The following TRPS1 variants were observed in gnomAD, a reference collection of about 807,000 sequenced individuals.
The protein encoded by TRPS1 is transcriptional repressor GATA binding 1, also known as zinc finger transcription factor Trps1.
TRPS1 carries 6 observed loss-of-function variants against 101.2 expected under a neutral mutation model. The observed-to-expected ratio is 0.06, with a 90% confidence interval of 0.03 to 0.12. The LOEUF (loss-of-function observed/expected upper bound fraction) is 0.12, where lower values mean the gene tolerates loss of function less well. Ranked by LOEUF, TRPS1 falls within the 10% of genes least tolerant of loss-of-function variation. The pLI is 1.00. For missense variants in TRPS1, 1,363 were observed against 1,567.0 expected, an observed-to-expected ratio of 0.87 and a Z score of 2.20; for synonymous variants, 578 against 589.8, an observed-to-expected ratio of 0.98 and a Z score of 0.29.
At chr8:115,436,962 A>C (rs535996657) in intron 5 of TRPS1, among the ~76,000 whole-genome samples, 31 of 152,174 alleles carry the variant, frequency 2.0e-4, no homozygotes, top group Non-Finnish European at 3.8e-4. Context: ...ATAGATACAG[A>C]CGTATACATA....
chr8:115,640,791 G>C (rs2178950), intron 1 of TRPS1, among the ~76,000 whole-genome samples: 76,495 of 152,082 alleles, frequency 0.5, 22,767 homozygotes, highest in African/African-American at 0.83. Flanking sequence ...GAGGTAAACT[G>C]AAGCGCTGAA....
intron 1 of TRPS1, among the ~76,000 whole-genome samples, chr8:115,628,436 T>TACACAC (rs542920476): frequency 4.0e-5 from 6 of 150,368 alleles, no homozygotes; most frequent in Non-Finnish European, 7.4e-5. Flanking sequence ...AAAAACAAAT[T>TACACAC]ACACACACAC....
intron 4 of TRPS1, among the ~76,000 whole-genome samples, chr8:115,600,942 T>C (rs888909971): frequency 5.3e-5 from 8 of 152,100 alleles, no homozygotes; most frequent in African/African-American, 1.9e-4. Flanking sequence ...TATAGGTAAA[T>C]ACTAAACATT....
At chr8:115,434,901 C>T (rs551470939) in intron 5 of TRPS1, among the ~76,000 whole-genome samples, 2 of 152,286 alleles carry the variant, frequency 1.3e-5, no homozygotes, top group South Asian at 2.1e-4. Flanking sequence ...GGATTTACTA[C>T]CTTACTTATA....
intron 5 of TRPS1, among the ~76,000 whole-genome samples, chr8:115,446,185 C>G (rs1305408892): frequency 6.6e-6 from 1 of 151,966 alleles, no homozygotes; most frequent in East Asian, 1.9e-4. Context: ...AAGGATGTTT[C>G]CAGCAGAAAC....
At chr8:115,494,480 T>C (rs982102121) in intron 5 of TRPS1, among the ~76,000 whole-genome samples, 3 of 152,238 alleles carry the variant, frequency 2.0e-5, no homozygotes, top group Non-Finnish European at 4.4e-5. Flanking sequence ...GCAAATTGCT[T>C]ACGCCAAGAG....
chr8:115,575,192 A>G (rs1817289387), intron 5 of TRPS1, among the ~76,000 whole-genome samples: 1 of 152,148 alleles, frequency 6.6e-6, no homozygotes, highest in Non-Finnish European at 1.5e-5. Flanking sequence ...AATAGCAAAA[A>G]ATAGAAATAA....
At chr8:115,437,972 A>G (rs1400598512) in intron 5 of TRPS1, among the ~76,000 whole-genome samples, 1 of 152,196 alleles carries the variant, frequency 6.6e-6, no homozygotes. Flanking sequence ...AGCGAATCTC[A>G]TATGTGTTTT....
intron 5 of TRPS1, among the ~76,000 whole-genome samples, chr8:115,474,161 T>A (rs1327334837): frequency 6.6e-6 from 1 of 152,146 alleles, no homozygotes; most frequent in Non-Finnish European, 1.5e-5. Context: ...GAATTTAGAG[T>A]CATTTATTTC....
rs774826318 is a variant in TRPS1 at position 115,604,854 on chromosome 8, G to C, written c.1115C>G (p.Pro372Arg). The C allele has an allele frequency of 6.2e-7, 1 of 1,613,920 alleles. No individual in the cohort carries two copies. The highest frequency in any genetic ancestry group is 2.2e-5 in the East Asian group (1 of 44,878). ...GGGGAGAGAAGCTTTTATTTTGTTT[G>C]GGTGAGTCTGAAGAAAATGTTGTTC... is the stretch of plus-strand genomic sequence containing the variant. ...ELEQHFLQTH[P>R]NKIKASLPSS... is the part of the protein sequence containing the mutation. Residue 372 changes from proline to arginine, a missense_variant, in exon 4 of 7, where the codon CCA becomes CGA. This residue lies in a region of TRPS1 where 1,020 missense variants were observed against 1,073.0 expected (regional missense o/e 0.95). Transcript: ENST00000395715. The surrounding 1 kb of genome is among the most constrained non-coding windows in gnomAD (Gnocchi z 4.1).
rs1206152426 is a variant in TRPS1, at chr8:115,463,294, G to A, written c.2701-44842C>T. Among the ~76,000 whole-genome samples the A allele has an allele frequency of 3.3e-5, 5 of 152,214 alleles. No individual in the cohort carries two copies. The East Asian group carries it at 9.6e-4, about 29-fold the overall frequency. ...GAACATAAGCTCTCCTAAAAACAAAGCCTGTACATAAAAATTAAATTTAGT... is the reference window on the plus strand; with the variant it reads ...GAACATAAGCTCTCCTAAAAACAAAACCTGTACATAAAAATTAAATTTAGT... On this transcript the variant is annotated intron_variant, in intron 5 of 6. Coordinates refer to ENST00000395715, the MANE Select transcript of TRPS1 (RefSeq NM_014112.5).
At chr8:115,428,552 A>G (rs1351424399) in intron 5 of TRPS1, among the ~76,000 whole-genome samples, 1 of 152,254 alleles carries the variant, frequency 6.6e-6, no homozygotes, top group Non-Finnish European at 1.5e-5. Flanking sequence ...ACGGGAATAC[A>G]TGAGTTAAAT....
intron 5 of TRPS1, among the ~76,000 whole-genome samples, chr8:115,451,592 C>T (rs1238405860): frequency 6.6e-6 from 1 of 152,146 alleles, no homozygotes; most frequent in Non-Finnish European, 1.5e-5. Flanking sequence ...TAACCACAGC[C>T]TGTGGTCCAA....
intron 1 of TRPS1, among the ~76,000 whole-genome samples, chr8:115,652,671 G>A (rs1269590664): frequency 6.6e-6 from 1 of 152,146 alleles, no homozygotes; most frequent in Non-Finnish European, 1.5e-5. Flanking sequence ...ATAAGCTACA[G>A]AATTGCATTT....
At chr8:115,661,914 CAACA>C (rs1278962154) in intron 1 of TRPS1, among the ~76,000 whole-genome samples, 2 of 151,732 alleles carry the variant, frequency 1.3e-5, no homozygotes, top group Admixed American at 1.3e-4. Context: ...ATTTTTGAAG[CAACA>C]AACAAAATTC....
chr8:115,437,096 T>A (rs1813475216), intron 5 of TRPS1, among the ~76,000 whole-genome samples: 1 of 152,214 alleles, frequency 6.6e-6, no homozygotes, highest in Non-Finnish European at 1.5e-5. Flanking sequence ...TACTTTGGTT[T>A]GAATAATCCT....
At chr8:115,542,400 T>G (rs1200900497) in intron 5 of TRPS1, among the ~76,000 whole-genome samples, 1 of 152,174 alleles carries the variant, frequency 6.6e-6, no homozygotes, top group Non-Finnish European at 1.5e-5. Flanking sequence ...ATTTATATCC[T>G]GATTAGACAC....
chr8:115,454,216 G>C (rs1813956900), intron 5 of TRPS1, among the ~76,000 whole-genome samples: 1 of 152,096 alleles, frequency 6.6e-6, no homozygotes, highest in South Asian at 2.1e-4. Flanking sequence ...CCTCCATGCT[G>C]GCTATTCAAT....
intron 3 of TRPS1, among the ~76,000 whole-genome samples, chr8:115,609,371 C>T (rs1818111720): frequency 6.6e-6 from 1 of 152,174 alleles, no homozygotes; most frequent in Admixed American, 6.6e-5. Context: ...TGCAAAGGTT[C>T]AATCTGCTGT....
Sources: gnomAD v4.1 joint callset for allele counts (sites outside exome capture counted in the v4.1 genomes callset) on GRCh38, gnomAD v4.1.1 for gene constraint, gnomAD v4.1.1 regional missense constraint, Gnocchi (gnomAD v3.1) non-coding constraint, MANE v1.5 for transcripts, NCBI Gene and HGNC (gene_info 2026-07-23, HGNC 2026-07-21) for gene names.